NR2F1-AS1: variants seen among roughly 807,000 people sequenced by gnomAD.
NR2F1-AS1 encodes NR2F1 antisense RNA 1.
chr5:93,548,269 C>T (rs964481610), intron 4 of NR2F1-AS1, among the ~76,000 whole-genome samples: 2 of 152,132 alleles, frequency 1.3e-5, no homozygotes, highest in East Asian at 1.9e-4. Context: ...CAAGCTAATT[C>T]AATCAATTTA....
At chr5:93,452,242 A>G (rs550298679) in intron 4 of NR2F1-AS1, among the ~76,000 whole-genome samples, 1 of 152,302 alleles carries the variant, frequency 6.6e-6, no homozygotes, top group East Asian at 1.9e-4. Context: ...AAGGACTTTC[A>G]TTTTCACCTA....
At chr5:93,507,027 G>T (rs905687082) in intron 4 of NR2F1-AS1, among the ~76,000 whole-genome samples, 1 of 151,980 alleles carries the variant, frequency 6.6e-6, no homozygotes, top group Non-Finnish European at 1.5e-5. Context: ...ATTTATCCCA[G>T]GAATTCAAGG....
intron 4 of NR2F1-AS1, chr5:93,410,280 G>C (rs1748826435): frequency 6.6e-6 from 1 of 152,176 alleles, no homozygotes; most frequent in South Asian, 2.1e-4. Context: ...GGGTCTCTGA[G>C]TACCATCACC....
chr5:93,423,539 G>A (rs1383446849), intron 4 of NR2F1-AS1, among the ~76,000 whole-genome samples: 1 of 152,166 alleles, frequency 6.6e-6, no homozygotes, highest in Non-Finnish European at 1.5e-5. Flanking sequence ...GCTTTGCACT[G>A]AGATCAGGAT....
chr5:93,473,685 AAC>A (rs138931417), intron 4 of NR2F1-AS1, among the ~76,000 whole-genome samples: 4 of 150,316 alleles, frequency 2.7e-5, no homozygotes, highest in Admixed American at 6.7e-5. Flanking sequence ...CTAAAGACCA[AAC>A]ACACACACAC....
At chr5:93,419,046 A>T (rs1375712681) in intron 4 of NR2F1-AS1, among the ~76,000 whole-genome samples, 2 of 152,212 alleles carry the variant, frequency 1.3e-5, no homozygotes, top group African/African-American at 4.8e-5. Context: ...GTTCACAAAA[A>T]CAAAAACATT....
At chr5:93,551,135 C>T (rs1347281119) in intron 4 of NR2F1-AS1, among the ~76,000 whole-genome samples, 2 of 151,978 alleles carry the variant, frequency 1.3e-5, no homozygotes, top group African/African-American at 4.8e-5. Flanking sequence ...TGTCTTCCTA[C>T]AAAATTAAAG....
At chr5:93,537,030 C>T (rs1017246095) in intron 4 of NR2F1-AS1, among the ~76,000 whole-genome samples, 1 of 152,276 alleles carries the variant, frequency 6.6e-6, no homozygotes, top group Middle Eastern at 3.4e-3. Flanking sequence ...GATTGTGAGG[C>T]CTCCGCAGCC....
chr5:93,450,849 C>T (rs1437283718), intron 4 of NR2F1-AS1, among the ~76,000 whole-genome samples: 2 of 138,462 alleles, frequency 1.4e-5, no homozygotes, highest in African/African-American at 5.4e-5. Flanking sequence ...AGGGGAGTTT[C>T]AGGGGCAGTG....
At chr5:93,496,867 G>A (rs991968352) in intron 4 of NR2F1-AS1, among the ~76,000 whole-genome samples, 1 of 152,156 alleles carries the variant, frequency 6.6e-6, no homozygotes, top group African/African-American at 2.4e-5. Context: ...GCAAAAGAAA[G>A]AATCCATGCA....
chr5:93,535,258 G>C (rs1751816112), intron 4 of NR2F1-AS1, among the ~76,000 whole-genome samples: 1 of 149,080 alleles, frequency 6.7e-6, no homozygotes, highest in Non-Finnish European at 1.5e-5. Flanking sequence ...AAAATAATAA[G>C]TTAAAAAATG....
At chr5:93,517,037 C>T (rs1561478898) in intron 4 of NR2F1-AS1, among the ~76,000 whole-genome samples, 1 of 151,806 alleles carries the variant, frequency 6.6e-6, no homozygotes, top group Non-Finnish European at 1.5e-5. Context: ...AAGATATTTT[C>T]CTGAATCTCT....
At position 93,466,908 on chromosome 5, in the gene NR2F1-AS1, G is replaced by T. The variant is rs970305879; in HGVS notation, n.639-71366C>A. Reference sequence around the variant, plus strand: ...TTCTCCAGAATATCCCTTTTTTGGGGGGGGGGGGGGTGGACGGAGTCTCAC... The same window carrying T: ...TTCTCCAGAATATCCCTTTTTTGGGTGGGGGGGGGGTGGACGGAGTCTCAC... On this transcript the variant is annotated intron_variant and non_coding_transcript_variant, in intron 4 of 5. Coordinates refer to ENST00000660523, the Ensembl canonical transcript of NR2F1-AS1. Among the ~76,000 whole-genome samples, 3 of 136,184 alleles carry T rather than the reference G, an allele frequency of 2.2e-5. 1 individual carries two copies. The highest frequency in any genetic ancestry group is 8.3e-5 in the African/African-American group (3 of 36,120). The allele number at this position is 136,184 out of a possible 152,430, so 89.3% of individuals were successfully genotyped here. A position where few individuals can be genotyped will look rare whatever the true frequency, so the allele number is the denominator to read the frequency against.
intron 1 of NR2F1-AS1, among the ~76,000 whole-genome samples, chr5:93,564,796 A>C (rs1752578603): frequency 1.3e-5 from 2 of 152,222 alleles, no homozygotes; most frequent in Admixed American, 1.3e-4. Flanking sequence ...AGATCAAAAA[A>C]TTAACTGTAG....
In NR2F1-AS1 at chr5:93,579,732, C is replaced by A. The variant is rs972376448; in HGVS notation, n.313+735G>T. Among the ~76,000 whole-genome samples the A allele has an allele frequency of 2.6e-5, 4 of 151,896 alleles. No homozygotes were observed. Among genetic ancestry groups the A allele is most frequent in the African/African-American group, 7.3e-5 (3 of 41,368 alleles). ...TGAGCCTCTTCCTTTCAACACACCC[C>A]CTCTGTCCCCACCCCTGGGAGGCGA... On this transcript the variant is annotated intron_variant and non_coding_transcript_variant, in intron 1 of 5. Transcript: ENST00000660523. This position sits in a 1 kb window ranked among gnomAD's most constrained non-coding sequence, Gnocchi z 5.1.
chr5:93,505,981 G>A (rs1349486002), intron 4 of NR2F1-AS1, among the ~76,000 whole-genome samples: 1 of 152,138 alleles, frequency 6.6e-6, no homozygotes, highest in Admixed American at 6.5e-5. Flanking sequence ...TGCATCATGA[G>A]GCTACTGAAT....
intron 4 of NR2F1-AS1, among the ~76,000 whole-genome samples, chr5:93,437,021 C>T (rs903810196): frequency 6.6e-6 from 1 of 151,662 alleles, no homozygotes; most frequent in Non-Finnish European, 1.5e-5. Flanking sequence ...TGTAAATTCA[C>T]TGACCATTTG....
At position 93,434,051 on chromosome 5, in the gene NR2F1-AS1, T is replaced by C. The variant is rs373683592; in HGVS notation, n.639-38509A>G. On this transcript the variant is annotated intron_variant and non_coding_transcript_variant, in intron 4 of 5. Transcript: ENST00000660523. ...TCTTTTTTTAGCGTCTATCAATATT[T>C]ACCAATAATATCTGCACATTAGCAA... Among the ~76,000 whole-genome samples, 8 of 152,308 alleles carry C rather than the reference T, an allele frequency of 5.3e-5. 1 individual carries two copies. Among genetic ancestry groups the C allele is most frequent in the African/African-American group, 1.9e-4 (8 of 41,578 alleles).
At chr5:93,450,333 A>T (rs189408828) in intron 4 of NR2F1-AS1, among the ~76,000 whole-genome samples, 27 of 152,282 alleles carry the variant, frequency 1.8e-4, no homozygotes, top group Non-Finnish European at 2.8e-4. Flanking sequence ...TTTATTTTAT[A>T]AGAGTTTAGT....
Sources: gnomAD v4.1 joint callset for allele counts (sites outside exome capture counted in the v4.1 genomes callset) on GRCh38, gnomAD v4.1.1 for gene constraint, Gnocchi (gnomAD v3.1) non-coding constraint, MANE v1.5 for transcripts, NCBI Gene and HGNC (gene_info 2026-07-23, HGNC 2026-07-21) for gene names.